The following SDF4 variants were observed in gnomAD, a reference collection of about 807,000 sequenced individuals.
SDF4 encodes the protein stromal cell derived factor 4, also known as 45 kDa calcium-binding protein.
Under a neutral mutation model 34.2 loss-of-function variants are expected in SDF4, and 22 were observed. The observed-to-expected ratio is 0.64, with a 90% CI of 0.46 to 0.92. The LOEUF (loss-of-function observed/expected upper bound fraction) is 0.92. Among genes scored for constraint, SDF4 ranks in the 40% least tolerant of loss-of-function variants. The pLI, the probability that SDF4 is intolerant of heterozygous loss-of-function variation, is 0.00. For synonymous variants in SDF4, 236 were observed against 203.1 expected (o/e 1.16, Z -1.38); for missense variants, 447 against 499.9 (o/e 0.89, Z 1.01).
At position 1,225,996 on chromosome 1, in the gene SDF4, C is replaced by T. The variant is rs575769821; in HGVS notation, c.306-2028G>A. On this transcript the variant is annotated intron_variant, in intron 2 of 6. Coordinates refer to ENST00000360001, the MANE Select transcript of SDF4 (RefSeq NM_016176.6). ...GGCCGGTACCCACGTGTACACAGCA[C>T]ACACACGTGAACAGGGCTGGCAGAA... Among the ~76,000 whole-genome samples, 5 of 152,322 alleles carry T rather than the reference C, an allele frequency of 3.3e-5. No homozygotes were observed. In the South Asian group the frequency reaches 1.0e-3, roughly 32 times the overall value.
rs1343759953 is a variant in SDF4 at position 1,220,748 on chromosome 1, A to C, written c.557-1821T>G. ...GCCATGTCCTGGGCAGAAAAGACCC[A>C]AATAAAGTGGCACCAAGGAAAGACA... On this transcript the variant is annotated intron_variant, in intron 4 of 6. Transcript: ENST00000360001. 3.1e-6 allele frequency: 4 copies of C among 1,289,088 alleles called. No homozygotes were observed. The African/African-American group carries it at 6.1e-5, about 20-fold the overall frequency. 79.9% of individuals were successfully genotyped at this position (1,289,088 alleles called of 1,614,324 possible). A position where few individuals can be genotyped will look rare whatever the true frequency, so the allele number is the denominator to read the frequency against.
rs757215619 is a variant in SDF4 at position 1,218,962 on chromosome 1, A to G, written c.557-35T>C. The G allele has an allele frequency of 6.2e-7, 1 of 1,612,400 alleles. No individual in the cohort carries two copies. The highest frequency in any genetic ancestry group is 8.5e-7 in the Non-Finnish European group (1 of 1,179,738). ...GCGCAGCCTGTGGGTATCGAGGCCG[A>G]CAGACGCCAGCACGCAAATCCAGAA... On this transcript the variant is annotated intron_variant, in intron 4 of 6. Transcript: ENST00000360001. The surrounding 1 kb of genome is among the most constrained non-coding windows in gnomAD (Gnocchi z 7.9).
Position 1,218,216 on chromosome 1 carries a change from C to T in SDF4, c.891+242G>A, listed in dbSNP as rs533716742. Reference sequence around the variant, plus strand: ...GGGGCTGTGAGAACCCTGACGCCTCCGCAAGGGGCTGAGGATGGAGCCCGG... The same window carrying T: ...GGGGCTGTGAGAACCCTGACGCCTCTGCAAGGGGCTGAGGATGGAGCCCGG... On this transcript the variant is annotated intron_variant, in intron 6 of 6. Coordinates refer to ENST00000360001, the MANE Select transcript of SDF4 (RefSeq NM_016176.6). This position sits in a 1 kb window ranked among gnomAD's most constrained non-coding sequence, Gnocchi z 7.9. 7.9e-5 allele frequency among the ~76,000 whole-genome samples: 12 copies of T among 152,336 alleles called. No homozygotes were observed. In the South Asian group the frequency reaches 8.3e-4, roughly 11 times the overall value.
At chr1:1,220,074 C>T (rs924602153) in intron 4 of SDF4, 85 of 986,422 alleles carry the variant, frequency 8.6e-5, no homozygotes, top group Admixed American at 8.5e-4. Context: ...GAGGCACAGA[C>T]GCCCCAGACA....
chr1:1,231,431 G>A (rs1468031342), intron 1 of SDF4, among the ~76,000 whole-genome samples: 1 of 152,264 alleles, frequency 6.6e-6, no homozygotes, highest in African/African-American at 2.4e-5. Flanking sequence ...AAGCTCAACA[G>A]GGTTCATAAC....
At position 1,217,959 on chromosome 1, in the gene SDF4, G is replaced by A. The variant is rs760147528; in HGVS notation, c.892-271C>T. On this transcript the variant is annotated intron_variant, in intron 6 of 6. Transcript: ENST00000360001. The surrounding 1 kb of genome is among the most constrained non-coding windows in gnomAD (Gnocchi z 8.5). ...TTCTGAAGGATCCCTAACCTGGGCCGGGCCCACTGGCTGTCGCCAGGAATC... is the reference window on the plus strand; with the variant it reads ...TTCTGAAGGATCCCTAACCTGGGCCAGGCCCACTGGCTGTCGCCAGGAATC... 2.6e-5 allele frequency among the ~76,000 whole-genome samples: 4 copies of A among 152,194 alleles called. No individual in the cohort carries two copies. Among genetic ancestry groups the A allele is most frequent in the South Asian group, 2.1e-4 (1 of 4,836 alleles).
In SDF4 at chr1:1,225,122, G is replaced by A. The variant is rs534219517; in HGVS notation, c.306-1154C>T. 2.9e-3 allele frequency among the ~76,000 whole-genome samples: 436 copies of A among 152,274 alleles called. 1 individual carries two copies. The highest frequency in any genetic ancestry group is 5.4e-3 in the Non-Finnish European group (366 of 68,018). On this transcript the variant is annotated intron_variant, in intron 2 of 6. Transcript: ENST00000360001. ...CACTCCCGTCCCAGCTTCAGAGCTC[G>A]GCTTCACCATTATGTCTTTGTGGAA...
chr1:1,223,516 C>T (rs919393640), intron 3 of SDF4, among the ~76,000 whole-genome samples, 159 bp from the exon 4 acceptor site: 1 of 152,228 alleles, frequency 6.6e-6, no homozygotes, highest in Non-Finnish European at 1.5e-5. Flanking sequence ...CGTTTCCTCA[C>T]CTGTGAGGCC....
chr1:1,231,710 C>T (rs1230796352), intron 1 of SDF4, among the ~76,000 whole-genome samples, 182 bp downstream of exon 1: 1 of 152,086 alleles, frequency 6.6e-6, no homozygotes, highest in African/African-American at 2.4e-5. Flanking sequence ...CCTGTCCCTG[C>T]CCCCGGGAAC....
rs1366846554 is a variant in SDF4, at chr1:1,218,949, G to C, written c.557-22C>G. ...TGTGCTGAGAGGGGCGCAGCCTGTGGGTATCGAGGCCGACAGACGCCAGCA... is the reference window on the plus strand; with the variant it reads ...TGTGCTGAGAGGGGCGCAGCCTGTGCGTATCGAGGCCGACAGACGCCAGCA... On this transcript the variant is annotated intron_variant, in intron 4 of 6. Transcript: ENST00000360001. This position sits in a 1 kb window ranked among gnomAD's most constrained non-coding sequence, Gnocchi z 7.9. The C allele has an allele frequency of 2.5e-6, 4 of 1,611,522 alleles. No homozygotes were observed. The East Asian group carries it at 6.7e-5, about 27-fold the overall frequency.
At chr1:1,220,963 C>T (rs1009482530) in intron 4 of SDF4, 2 of 362,852 alleles carry the variant, frequency 5.5e-6, no homozygotes, top group Admixed American at 3.7e-5. Context: ...GAAGTAATAA[C>T]GTCCAATTTG....
chr1:1,223,994 G>A (rs764215840), intron 2 of SDF4, 26 bp from the exon 3 acceptor site: 3 of 1,606,642 alleles, frequency 1.9e-6, no homozygotes, highest in East Asian at 2.2e-5. Flanking sequence ...TGGGCAGGTG[G>A]CCGTCAGACT....
Position 1,228,911 on chromosome 1 carries a change from A to C in SDF4, c.-139T>G. The stretch of plus-strand genomic sequence containing the variant: ...GCACCACGGAGGGCTCTGTGTCCCC[A>C]GGACGGCCGCAGGATGGGGACAAGC... On this transcript the variant is annotated 5_prime_UTR_variant, in exon 2 of 7. Coordinates refer to ENST00000360001, the MANE Select transcript of SDF4 (RefSeq NM_016176.6). The C allele has an allele frequency of 1.4e-6, 1 of 733,956 alleles. No individual in the cohort carries two copies. Among genetic ancestry groups the C allele is most frequent in the East Asian group, 2.7e-5 (1 of 36,910 alleles). 45.5% of individuals were successfully genotyped at this position (733,956 alleles called of 1,614,324 possible).
intron 4 of SDF4, 106 bp downstream of exon 4, chr1:1,223,138 C>T (rs766596399): frequency 5.0e-6 from 4 of 807,212 alleles, no homozygotes; most frequent in Non-Finnish European, 8.6e-6. Flanking sequence ...AGCACACGCA[C>T]GGCACACTCA....
intron 2 of SDF4, among the ~76,000 whole-genome samples, chr1:1,226,425 C>G (rs1638310556): frequency 6.6e-6 from 1 of 152,154 alleles, no homozygotes; most frequent in African/African-American, 2.4e-5. Context: ...AAAACACATC[C>G]CACAAGCCCA....
In SDF4 at chr1:1,228,685, G is replaced by A. The variant is rs143390678; in HGVS notation, c.88C>T (p.Arg30Trp). The change falls in exon 2 of 7, where the codon CGG (arginine) becomes TGG (tryptophan). Residue 30 changes from arginine to tryptophan, a missense_variant. By Grantham distance (101) the Arg-to-Trp change is moderately radical. Transcript: ENST00000360001. ...CGAGTGGACGAGTGGTTGGCAGGCC[G>A]TGCAGACGCGTCCATCAGAAGGACT... ...GAVLLMDASA[R>W]PANHSSTRER... 292 of 1,612,988 alleles carry A rather than the reference G, an allele frequency of 1.8e-4. 2 individuals are homozygous for A. The African/African-American group carries it at 2.9e-3, about 16-fold the overall frequency.
rs374815744 is a variant in SDF4, at chr1:1,218,747, G to A, written c.715+22C>T. On this transcript the variant is annotated intron_variant, in intron 5 of 6. Transcript: ENST00000360001. This position sits in a 1 kb window ranked among gnomAD's most constrained non-coding sequence, Gnocchi z 7.9. Reference sequence around the variant, plus strand: ...GTCGGTCCTGGGTCCTGGCGTGCCGGCCAGGCTGGACCCAGCCTCACCCAG... The same window carrying A: ...GTCGGTCCTGGGTCCTGGCGTGCCGACCAGGCTGGACCCAGCCTCACCCAG... 6.2e-7 allele frequency: 1 copy of A among 1,612,282 alleles called. No homozygotes were observed. The highest frequency in any genetic ancestry group is 1.3e-5 in the African/African-American group (1 of 75,036).
chr1:1,220,493 G>C, intron 4 of SDF4: 1 of 1,198,164 alleles, frequency 8.3e-7, no homozygotes, highest in South Asian at 1.5e-5. Context: ...TCCAGGACCC[G>C]GCAGCTGCTC....
chr1:1,224,541 A>T (rs546193466), intron 2 of SDF4, among the ~76,000 whole-genome samples: 9 of 152,282 alleles, frequency 5.9e-5, no homozygotes, highest in Admixed American at 1.3e-4. Context: ...CAGCCTCCCA[A>T]CGTGCTAGGA....
Sources: gnomAD v4.1 joint callset for allele counts (sites outside exome capture counted in the v4.1 genomes callset) on GRCh38, gnomAD v4.1.1 for gene constraint, Gnocchi (gnomAD v3.1) non-coding constraint, MANE v1.5 for transcripts, NCBI Gene and HGNC (gene_info 2026-07-23, HGNC 2026-07-21) for gene names.